NRCAM: variants seen among roughly 807,000 people sequenced by gnomAD.
The protein encoded by NRCAM is neuronal cell adhesion molecule, also known as NgCAM-related cell adhesion molecule.
Under a neutral mutation model 156.5 loss-of-function variants are expected in NRCAM, and 83 were observed. That is an observed-to-expected ratio of 0.53 (90% CI 0.44 to 0.64). The LOEUF is 0.64. Ranked by LOEUF, NRCAM falls within the 30% of genes least tolerant of loss-of-function variation. The probability of loss-of-function intolerance (pLI) is 0.00; values close to 1 mark genes in which losing one functional copy is unlikely to be tolerated. For missense variants in NRCAM, 1,417 were observed against 1,597.3 expected (o/e 0.89, Z 1.92); for synonymous variants, 538 against 563.9 (o/e 0.95, Z 0.65).
chr7:108,300,009 C>G (rs1162997763), intron 3 of NRCAM, among the ~76,000 whole-genome samples: 3 of 152,152 alleles, frequency 2.0e-5, no homozygotes, highest in Non-Finnish European at 4.4e-5. Context: ...TAGAACATGT[C>G]TAGCACATGG....
chr7:108,261,911 A>G (rs529352222), intron 3 of NRCAM, among the ~76,000 whole-genome samples: 1 of 152,204 alleles, frequency 6.6e-6, no homozygotes, highest in East Asian at 1.9e-4. Context: ...TCAGTGGATA[A>G]AAGCACTCCA....
At chr7:108,154,755 T>C (rs1371042774) in intron 32 of NRCAM, among the ~76,000 whole-genome samples, 1 of 152,144 alleles carries the variant, frequency 6.6e-6, no homozygotes, top group Non-Finnish European at 1.5e-5. Context: ...ATACACACAG[T>C]GCTGGGTTTG....
At position 108,168,284 on chromosome 7, in the gene NRCAM, T is replaced by C; in HGVS notation, c.3306A>G (p.Val1102=). Residue 1102 remains valine (V), a synonymous_variant, in exon 29 of 33, where the codon GTA becomes GTG. Coordinates refer to ENST00000379028, the MANE Select transcript of NRCAM (RefSeq NM_001037132.4). The part of the protein sequence containing the change: ...EHVNFYVEYG[V]AGSKEEWRKE... ...AATGAAATTGTTTCTTACTGCCTGC[T>C]ACACCATATTCAACATAAAAGTTCA... The C allele has an allele frequency of 6.4e-7, 1 of 1,574,040 alleles. No individual in the cohort carries two copies. Among genetic ancestry groups the C allele is most frequent in the Non-Finnish European group, 8.6e-7 (1 of 1,162,918 alleles).
chr7:108,435,115 T>C (rs1405177868), intron 1 of NRCAM, among the ~76,000 whole-genome samples: 1 of 151,978 alleles, frequency 6.6e-6, no homozygotes, highest in Non-Finnish European at 1.5e-5. Flanking sequence ...TCAGCTATTA[T>C]AAATATGTTC....
intron 2 of NRCAM, among the ~76,000 whole-genome samples, chr7:108,376,095 A>C (rs1328659189): frequency 2.6e-5 from 4 of 152,134 alleles, no homozygotes; most frequent in African/African-American, 7.2e-5. Flanking sequence ...CACATCACAA[A>C]TTTCTTTCTG....
intron 2 of NRCAM, among the ~76,000 whole-genome samples, chr7:108,353,236 T>C (rs1429010138): frequency 6.6e-6 from 1 of 152,240 alleles, no homozygotes; most frequent in Non-Finnish European, 1.5e-5. Flanking sequence ...GAATGATGTC[T>C]TTAAAATATA....
chr7:108,189,358 A>G (rs1357189398), intron 20 of NRCAM, among the ~76,000 whole-genome samples: 1 of 152,218 alleles, frequency 6.6e-6, no homozygotes, highest in African/African-American at 2.4e-5. Flanking sequence ...GTATCTTCCT[A>G]CATGGTAGAT....
chr7:108,174,101 G>T (rs2059571845), intron 28 of NRCAM, among the ~76,000 whole-genome samples: 1 of 152,128 alleles, frequency 6.6e-6, no homozygotes. Flanking sequence ...GATTTTAATT[G>T]ATATCTAATT....
intron 3 of NRCAM, among the ~76,000 whole-genome samples, chr7:108,290,392 C>G (rs2098250532): frequency 6.6e-6 from 1 of 152,172 alleles, no homozygotes; most frequent in Non-Finnish European, 1.5e-5. Flanking sequence ...AAACATACTA[C>G]TACTGTACTT....
At chr7:108,222,228 A>C (rs1329140012) in intron 11 of NRCAM, among the ~76,000 whole-genome samples, 3 of 152,200 alleles carry the variant, frequency 2.0e-5, no homozygotes, top group African/African-American at 7.2e-5. Context: ...AATTATGAAA[A>C]AGCCATGAAT....
chr7:108,429,929 A>C (rs950478090), intron 1 of NRCAM, among the ~76,000 whole-genome samples: 4 of 152,222 alleles, frequency 2.6e-5, no homozygotes, highest in African/African-American at 9.6e-5. Flanking sequence ...TTAAAAGGTG[A>C]CATCAGAGGA....
At chr7:108,363,361 T>C (rs536156839) in intron 2 of NRCAM, among the ~76,000 whole-genome samples, 9 of 152,224 alleles carry the variant, frequency 5.9e-5, no homozygotes, top group Non-Finnish European at 1.2e-4. Context: ...GTTGGCTTCC[T>C]GCAACCTCCA....
chr7:108,148,647 T>C lies in NRCAM; in HGVS notation c.*1263A>G, dbSNP rs2039890393. The C allele has an allele frequency of 6.6e-6, 1 of 152,646 alleles. No individual in the cohort carries two copies. The highest frequency in any genetic ancestry group is 1.5e-5 in the Non-Finnish European group (1 of 68,022). 9.5% of individuals were successfully genotyped at this position (152,646 alleles called of 1,614,324 possible). ...GATTCTGAAATGTATCCATAACAATTTGCATACACGTTGTTTAATGCTGCA... is the reference window on the plus strand; with the variant it reads ...GATTCTGAAATGTATCCATAACAATCTGCATACACGTTGTTTAATGCTGCA... On this transcript the variant is annotated 3_prime_UTR_variant, in exon 33 of 33. Transcript: ENST00000379028.
chr7:108,248,082 A>G (rs1241978972), intron 3 of NRCAM, among the ~76,000 whole-genome samples: 1 of 152,200 alleles, frequency 6.6e-6, no homozygotes, highest in Non-Finnish European at 1.5e-5. Context: ...AACAAGCTCT[A>G]GCTCTATTTA....
chr7:108,385,578 T>C (rs2099737895), intron 2 of NRCAM, among the ~76,000 whole-genome samples: 1 of 152,184 alleles, frequency 6.6e-6, no homozygotes, highest in Non-Finnish European at 1.5e-5. Flanking sequence ...TCAAGGACTA[T>C]ATTTAATACC....
At chr7:108,297,271 C>G (rs1034154554) in intron 3 of NRCAM, among the ~76,000 whole-genome samples, 1 of 152,046 alleles carries the variant, frequency 6.6e-6, no homozygotes, top group Non-Finnish European at 1.5e-5. Context: ...TCATTTGGTC[C>G]AAAAAATGAG....
At position 108,163,390 on chromosome 7, in the gene NRCAM, T is replaced by C. The variant is rs562325743; in HGVS notation, c.3467-2898A>G. ...AAATGCTCTTGAGTCCTCAGAACCATAGAATCAACACAGAAGAGAGACAGG... is the reference window on the plus strand; with the variant it reads ...AAATGCTCTTGAGTCCTCAGAACCACAGAATCAACACAGAAGAGAGACAGG... On this transcript the variant is annotated intron_variant, in intron 30 of 32. Transcript: ENST00000379028. Among the ~76,000 whole-genome samples the C allele has an allele frequency of 3.3e-5, 5 of 152,268 alleles. No individual in the cohort carries two copies. The East Asian group carries it at 5.8e-4, about 18-fold the overall frequency.
At chr7:108,221,608 C>T (rs2092309294) in intron 11 of NRCAM, among the ~76,000 whole-genome samples, 1 of 152,130 alleles carries the variant, frequency 6.6e-6, no homozygotes, top group Non-Finnish European at 1.5e-5. Flanking sequence ...GAATGGAAAA[C>T]CAAACACTGT....
In NRCAM at chr7:108,237,936, C is replaced by T. The variant is rs76790993; in HGVS notation, c.107-167G>A. On this transcript the variant is annotated intron_variant, in intron 4 of 32. Coordinates refer to ENST00000379028, the MANE Select transcript of NRCAM (RefSeq NM_001037132.4). ...AGGTTGAATTTGTGAAGTTGCAAGACGAAGAAATTTGCATTAACGGTTTCC... is the reference window on the plus strand; with the variant it reads ...AGGTTGAATTTGTGAAGTTGCAAGATGAAGAAATTTGCATTAACGGTTTCC... 6.9e-3 allele frequency among the ~76,000 whole-genome samples: 1,054 copies of T among 152,256 alleles called. 58 individuals carry two copies. In the East Asian group the frequency reaches 0.15, roughly 21 times the overall value.
Sources: allele counts gnomAD v4.1 joint callset (sites outside exome capture counted in the v4.1 genomes callset), GRCh38; gene constraint gnomAD v4.1.1; transcripts MANE v1.5; gene names NCBI Gene and HGNC (gene_info 2026-07-23, HGNC 2026-07-21).